The following CDH17 variants were observed in gnomAD, a reference collection of about 807,000 sequenced individuals.
The protein encoded by CDH17 is cadherin-17.
In CDH17, 67 loss-of-function variants were observed where a neutral mutation model predicts 86.3. The observed-to-expected ratio is 0.78, with a 90% CI of 0.64 to 0.95. The LOEUF (loss-of-function observed/expected upper bound fraction) is 0.95. Ranked by LOEUF, CDH17 falls within the 40% of genes least tolerant of loss-of-function variation. CDH17 has a pLI of 0.00. For missense variants in CDH17, 993 were observed against 1,017.6 expected (o/e 0.98, Z 0.33); for synonymous variants, 367 against 366.4 (o/e 1.00, Z -0.02).
chr8:94,208,132 T>C lies in CDH17; in HGVS notation c.-21+351A>G, dbSNP rs546611817. 2.0e-5 allele frequency among the ~76,000 whole-genome samples: 3 copies of C among 152,324 alleles called. No homozygotes were observed. In the South Asian group the frequency reaches 6.2e-4, roughly 32 times the overall value. ...TAGAATACAAGAGCCCTAGAGCATCTTAAGACCAGGGACTTTTATATACTC... is the reference window on the plus strand; with the variant it reads ...TAGAATACAAGAGCCCTAGAGCATCCTAAGACCAGGGACTTTTATATACTC... On this transcript the variant is annotated intron_variant, in intron 1 of 17. Coordinates refer to ENST00000027335, the MANE Select transcript of CDH17 (RefSeq NM_004063.4).
chr8:94,199,083 A>ATAT (rs1283889347), intron 1 of CDH17, among the ~76,000 whole-genome samples: 3 of 23,216 alleles, frequency 1.3e-4, no homozygotes, highest in African/African-American at 3.2e-4. Context: ...ATATATATAT[A>ATAT]TTTTTTTTTT....
chr8:94,181,485 T>C (rs1813487051), intron 3 of CDH17, among the ~76,000 whole-genome samples: 1 of 151,918 alleles, frequency 6.6e-6, no homozygotes, highest in Admixed American at 6.6e-5. Context: ...AAAAACAATA[T>C]AAGGAAATTT....
At chr8:94,174,451 C>G (rs1813332791) in intron 5 of CDH17, among the ~76,000 whole-genome samples, 191 bp from the exon 6 acceptor site, 1 of 152,146 alleles carries the variant, frequency 6.6e-6, no homozygotes, top group South Asian at 2.1e-4. Context: ...AGGTCTGGTC[C>G]AAGAACCTCT....
chr8:94,215,458 A>G (rs1814179131), intron 1 of CDH17, among the ~76,000 whole-genome samples: 1 of 152,200 alleles, frequency 6.6e-6, no homozygotes, highest in Non-Finnish European at 1.5e-5. Flanking sequence ...AGACAGAGAA[A>G]GAAGATTTCG....
intron 15 of CDH17, among the ~76,000 whole-genome samples, chr8:94,145,647 C>G (rs1333401203): frequency 2.0e-5 from 3 of 152,080 alleles, no homozygotes; most frequent in Non-Finnish European, 4.4e-5. Flanking sequence ...TCTATAAAAT[C>G]TGCTTTCCAT....
chr8:94,151,767 T>C, intron 13 of CDH17, 101 bp downstream of exon 13: 1 of 1,466,114 alleles, frequency 6.8e-7, no homozygotes, highest in Admixed American at 1.8e-5. Flanking sequence ...CTGGGTATGC[T>C]GTGAGGGTCA....
At chr8:94,212,908 T>C (rs1273412653), upstream of CDH17, among the ~76,000 whole-genome samples, 3 of 152,230 alleles carry the variant, frequency 2.0e-5, no homozygotes, top group Non-Finnish European at 2.9e-5. Flanking sequence ...TCATCAGTTG[T>C]ACATTGGACA....
At chr8:94,205,960 C>G (rs1469057202) in intron 1 of CDH17, among the ~76,000 whole-genome samples, 1 of 152,112 alleles carries the variant, frequency 6.6e-6, no homozygotes, top group Non-Finnish European at 1.5e-5. Context: ...GGGAACAAAT[C>G]TACCATTTCC....
At chr8:94,134,684 T>G (rs1812487949) in intron 15 of CDH17, among the ~76,000 whole-genome samples, 1 of 152,200 alleles carries the variant, frequency 6.6e-6, no homozygotes, top group South Asian at 2.1e-4. Flanking sequence ...ATCTTAGTTA[T>G]TTCCTGCCTT....
intron 2 of CDH17, among the ~76,000 whole-genome samples, chr8:94,193,609 C>G (rs574460777): frequency 6.6e-6 from 1 of 152,300 alleles, no homozygotes; most frequent in East Asian, 1.9e-4. Flanking sequence ...GAATTTGTCA[C>G]TACCCTGGGA....
intron 15 of CDH17, among the ~76,000 whole-genome samples, chr8:94,134,012 A>G (rs62524848): frequency 0.096 from 14,664 of 152,138 alleles, 793 homozygotes; most frequent in Middle Eastern, 0.16. Flanking sequence ...AGCCAACTTG[A>G]TTGTGTTGGA....
intron 1 of CDH17, among the ~76,000 whole-genome samples, chr8:94,197,721 C>G (rs1195828879): frequency 6.6e-6 from 1 of 150,646 alleles, no homozygotes; most frequent in Non-Finnish European, 1.5e-5. Flanking sequence ...GTCCCAGCTA[C>G]TTGGGAGGCT....
chr8:94,130,543 C>A, intron 17 of CDH17, 83 bp downstream of exon 17: 1 of 883,814 alleles, frequency 1.1e-6, no homozygotes, highest in Non-Finnish European at 1.8e-6. Flanking sequence ...GCCACCAGAC[C>A]AGTCCAGGAA....
intron 9 of CDH17, among the ~76,000 whole-genome samples, chr8:94,166,779 G>A (rs563182137): frequency 2.0e-5 from 3 of 152,282 alleles, no homozygotes; most frequent in African/African-American, 7.2e-5. Flanking sequence ...AGGAGGAAAT[G>A]ATCTGGAGGA....
At chr8:94,147,296 C>A (rs1001340844) in intron 14 of CDH17, among the ~76,000 whole-genome samples, 6 of 152,210 alleles carry the variant, frequency 3.9e-5, no homozygotes, top group African/African-American at 1.2e-4. Flanking sequence ...GAGACAGAAG[C>A]AGAGGGCCTG....
At position 94,137,711 on chromosome 8, in the gene CDH17, C is replaced by A. The variant is rs77106183; in HGVS notation, c.2168-6719G>T. On this transcript the variant is annotated intron_variant, in intron 15 of 17. Coordinates refer to ENST00000027335, the MANE Select transcript of CDH17 (RefSeq NM_004063.4). Reference sequence around the variant, plus strand: ...ATAAACTGCAAAAAGTAAAAAAAAACCTAACTAACTTAACAATGTGAGAGC... The same window carrying A: ...ATAAACTGCAAAAAGTAAAAAAAAAACTAACTAACTTAACAATGTGAGAGC... Among the ~76,000 whole-genome samples the A allele has an allele frequency of 0.014, 2,173 of 152,024 alleles. 165 individuals are homozygous for A. The East Asian group carries it at 0.24, about 17-fold the overall frequency.
At chr8:94,141,271 G>GAA (rs142414503) in intron 15 of CDH17, among the ~76,000 whole-genome samples, 70 of 148,502 alleles carry the variant, frequency 4.7e-4, no homozygotes, top group Middle Eastern at 3.5e-3. Flanking sequence ...TCCAATTTAG[G>GAA]AAAAAAAAAA....
chr8:94,186,507 C>T (rs147961976), intron 3 of CDH17, among the ~76,000 whole-genome samples: 51 of 152,238 alleles, frequency 3.4e-4, no homozygotes, highest in Non-Finnish European at 6.3e-4. Flanking sequence ...CACCCCCAAG[C>T]GTCTTTTATA....
At chr8:94,128,412 G>A in intron 17 of CDH17, 72 bp from the exon 18 acceptor site, 1 of 932,388 alleles carries the variant, frequency 1.1e-6, no homozygotes, top group African/African-American at 1.7e-5. Context: ...TTATAAAGTA[G>A]TATTGTGGTA....
Sources: allele counts gnomAD v4.1 joint callset (sites outside exome capture counted in the v4.1 genomes callset), GRCh38; gene constraint gnomAD v4.1.1; transcripts MANE v1.5; gene names NCBI Gene and HGNC (gene_info 2026-07-23, HGNC 2026-07-21).